The following CCDC141 variants were observed in gnomAD, a reference collection of about 807,000 sequenced individuals.
CCDC141 encodes coiled-coil domain-containing protein 141.
Under a neutral mutation model 181.0 loss-of-function variants are expected in CCDC141, and 168 were observed. The observed-to-expected ratio is 0.93, with a 90% CI of 0.82 to 1.05. The LOEUF is 1.05. Ranked by LOEUF, CCDC141 falls within the 50% of genes least tolerant of loss-of-function variation. The pLI is 0.00. For synonymous variants in CCDC141, 666 were observed against 642.3 expected, an observed-to-expected ratio of 1.04 and a Z score of -0.56; for missense variants, 1,902 against 1,788.5, an observed-to-expected ratio of 1.06 and a Z score of -1.14.
intron 8 of CCDC141, among the ~76,000 whole-genome samples, chr2:178,891,350 A>G (rs996918424): frequency 4.6e-5 from 7 of 152,134 alleles, no homozygotes; most frequent in African/African-American, 1.7e-4. Flanking sequence ...AGGAACAGAG[A>G]CAGTCTCAGT....
downstream of CCDC141, among the ~76,000 whole-genome samples, chr2:178,827,604 C>T (rs1166834046): frequency 1.3e-5 from 2 of 152,126 alleles, no homozygotes; most frequent in African/African-American, 2.4e-5. Context: ...TGAAAAGTTA[C>T]TGATGGACTG....
intron 3 of CCDC141, among the ~76,000 whole-genome samples, chr2:178,975,506 C>T (rs1410918822): frequency 1.3e-5 from 2 of 152,042 alleles, no homozygotes; most frequent in African/African-American, 4.8e-5. Context: ...CAGTCACTTT[C>T]AACATTCTAA....
In CCDC141 at chr2:178,833,958, T is replaced by C. The variant is rs1684365462; in HGVS notation, c.*215A>G. On this transcript the variant is annotated 3_prime_UTR_variant, in exon 24 of 24. Coordinates refer to ENST00000443758, the MANE Select transcript of CCDC141 (RefSeq NM_173648.4). ...TTTCTAGAGTACAAAAATCTGTTCT[T>C]ATCCACTACAGATAATTTACCAAGC... 2 of 546,076 alleles carry C rather than the reference T, an allele frequency of 3.7e-6. No homozygotes were observed. Among genetic ancestry groups the C allele is most frequent in the Non-Finnish European group, 6.5e-6 (2 of 309,362 alleles). The allele number at this position is 546,076 out of a possible 1,614,324, so 33.8% of individuals were successfully genotyped here. A position where few individuals can be genotyped will look rare whatever the true frequency, so the allele number is the denominator to read the frequency against.
At chr2:178,920,568 A>G (rs1257515389) in intron 6 of CCDC141, among the ~76,000 whole-genome samples, 1 of 152,114 alleles carries the variant, frequency 6.6e-6, no homozygotes, top group Non-Finnish European at 1.5e-5. Flanking sequence ...CAAAAAATGC[A>G]AAAAATTAGC....
At chr2:179,041,059 T>TTTTG (rs140907026) in intron 2 of CCDC141, among the ~76,000 whole-genome samples, 6,681 of 151,592 alleles carry the variant, frequency 0.044, 437 homozygotes, top group African/African-American at 0.15. Context: ...TCTGCTGTTG[T>TTTTG]TTTGTTTGTT....
intron 4 of CCDC141, among the ~76,000 whole-genome samples, chr2:178,968,175 C>A (rs1690721211): frequency 6.6e-6 from 1 of 152,172 alleles, no homozygotes. Flanking sequence ...TTAGACAGAT[C>A]AATGAGACAT....
At chr2:178,998,726 T>A (rs914684610) in intron 2 of CCDC141, among the ~76,000 whole-genome samples, 15 of 152,240 alleles carry the variant, frequency 9.9e-5, no homozygotes, top group African/African-American at 3.4e-4. Flanking sequence ...TTTTACAGAT[T>A]CACTTTCTCT....
chr2:179,025,529 C>G (rs570672585), intron 2 of CCDC141, among the ~76,000 whole-genome samples: 1 of 152,286 alleles, frequency 6.6e-6, no homozygotes, highest in East Asian at 1.9e-4. Flanking sequence ...ATTGTGAGGC[C>G]TCCCCAGCCA....
chr2:178,882,552 G>C (rs1464622313), intron 11 of CCDC141, among the ~76,000 whole-genome samples: 1 of 152,090 alleles, frequency 6.6e-6, no homozygotes, highest in African/African-American at 2.4e-5. Flanking sequence ...AACAAGTTTG[G>C]AAGTCAAGGC....
intron 22 of CCDC141, among the ~76,000 whole-genome samples, chr2:178,842,448 G>A (rs889009049): frequency 1.8e-4 from 27 of 152,132 alleles, no homozygotes; most frequent in African/African-American, 5.8e-4. Flanking sequence ...TCTTATCTCT[G>A]TCAGGACTTC....
chr2:178,983,359 G>C (rs991562516), intron 2 of CCDC141, among the ~76,000 whole-genome samples: 2 of 152,138 alleles, frequency 1.3e-5, no homozygotes, highest in Non-Finnish European at 2.9e-5. Context: ...ACCACGAAGA[G>C]GGGGAAAAAA....
intron 2 of CCDC141, among the ~76,000 whole-genome samples, chr2:179,042,436 C>G (rs1005734518): frequency 3.3e-5 from 5 of 152,214 alleles, no homozygotes. Context: ...CAACCTCTGT[C>G]TCCTGGGTTC....
Position 178,975,153 on chromosome 2 carries a change from T to G in CCDC141, c.430A>C (p.Ile144Leu). Residue 144 changes from isoleucine to leucine, a missense_variant, in exon 4 of 24, where the codon ATA becomes CTA. Physicochemically the swap from Ile to Leu is conservative, Grantham distance 5. Coordinates refer to ENST00000443758, the MANE Select transcript of CCDC141 (RefSeq NM_173648.4). ...FENALEFAIK[I>L]DQAEDFLQNT... ...TGGAGGAAATCTTCAGCTTGGTCTA[T>G]TTTAATAGCAAACTACAATAGAAAT... The G allele has an allele frequency of 6.7e-7, 1 of 1,484,912 alleles. No homozygotes were observed. The highest frequency in any genetic ancestry group is 9.1e-7 in the Non-Finnish European group (1 of 1,095,204). The allele number at this position is 1,484,912 out of a possible 1,614,324, so 92.0% of individuals were successfully genotyped here.
At chr2:178,845,386 A>G (rs1468778328) in intron 22 of CCDC141, among the ~76,000 whole-genome samples, 1 of 152,190 alleles carries the variant, frequency 6.6e-6, no homozygotes, top group African/African-American at 2.4e-5. Context: ...CTACTGTGAA[A>G]TGTCATGGTT....
At chr2:179,015,166 CAT>C (rs1458209326) in intron 2 of CCDC141, among the ~76,000 whole-genome samples, 3 of 101,306 alleles carry the variant, frequency 3.0e-5, no homozygotes, top group African/African-American at 4.1e-5. Flanking sequence ...ATATACATCT[CAT>C]ATATATCTCA....
chr2:178,992,340 C>CTT lies in CCDC141; in HGVS notation c.226-13667_226-13666dup, dbSNP rs34507992. Among the ~76,000 whole-genome samples, 1,095 of 118,570 alleles carry CTT rather than the reference C, an allele frequency of 9.2e-3. 18 individuals carry two copies. Among genetic ancestry groups the CTT allele is most frequent in the African/African-American group, 0.033 (1,040 of 31,226 alleles). The allele number at this position is 118,570 out of a possible 152,430, so 77.8% of individuals were successfully genotyped here. ...ATTTTTGCAATTATGTAAAATAGACCTTTTTTTTTTTTTTTTTTAAATAGA... is the reference window on the plus strand; with the variant it reads ...ATTTTTGCAATTATGTAAAATAGACCTTTTTTTTTTTTTTTTTTTTAAATAGA... On this transcript the variant is annotated intron_variant, in intron 2 of 23. Transcript: ENST00000443758.
intron 11 of CCDC141, 126 bp from the exon 12 acceptor site, chr2:178,878,269 A>T (rs13400020): frequency 3.2e-6 from 1 of 314,504 alleles, no homozygotes; most frequent in East Asian, 5.2e-5. Flanking sequence ...ATTTGTAAAC[A>T]TATTTATTTA....
chr2:178,827,955 C>A (rs895956814), downstream of CCDC141, among the ~76,000 whole-genome samples: 1 of 152,134 alleles, frequency 6.6e-6, no homozygotes, highest in African/African-American at 2.4e-5. Flanking sequence ...TAGCTTCCAG[C>A]GATTGCAATC....
At position 178,987,655 on chromosome 2, in the gene CCDC141, G is replaced by A. The variant is rs1437627891; in HGVS notation, c.226-8980C>T. 4.9e-3 allele frequency among the ~76,000 whole-genome samples: 740 copies of A among 149,684 alleles called. 5 individuals are homozygous for A. Among genetic ancestry groups the A allele is most frequent in the African/African-American group, 0.017 (697 of 40,832 alleles). ...CAAACAACCCCATCAAAAAGTGGGC[G>A]AAGGACATGAACAGACACTTCTCAA... On this transcript the variant is annotated intron_variant, in intron 2 of 23. Coordinates refer to ENST00000443758, the MANE Select transcript of CCDC141 (RefSeq NM_173648.4).
Sources: gnomAD v4.1 joint callset for allele counts (sites outside exome capture counted in the v4.1 genomes callset) on GRCh38, gnomAD v4.1.1 for gene constraint, MANE v1.5 for transcripts, NCBI Gene and HGNC (gene_info 2026-07-23, HGNC 2026-07-21) for gene names.